PRAMEF2: variants seen among roughly 807,000 people sequenced by gnomAD.
PRAMEF2 encodes the protein PRAME family member 2.
PRAMEF2 carries 35 observed loss-of-function variants against 38.0 expected under a neutral mutation model. The observed-to-expected ratio is 0.92, with a 90% confidence interval of 0.70 to 1.22. The LOEUF (loss-of-function observed/expected upper bound fraction) is 1.22. PRAMEF2 is among the 50% of genes most tolerant of loss of function. PRAMEF2 has a pLI of 0.00. For missense variants in PRAMEF2, 562 were observed against 553.9 expected (o/e 1.01, Z -0.15); for synonymous variants, 240 against 232.4 (o/e 1.03, Z -0.30).
chr1:12,858,591 G>A lies in PRAMEF2; in HGVS notation c.-25-394G>A, dbSNP rs1439102615. 1.0e-4 allele frequency among the ~76,000 whole-genome samples: 15 copies of A among 149,986 alleles called. 1 individual carries two copies. Among genetic ancestry groups the A allele is most frequent in the African/African-American group, 3.7e-4 (15 of 40,840 alleles). On this transcript the variant is annotated intron_variant, in intron 1 of 3. Coordinates refer to ENST00000240189, the MANE Select transcript of PRAMEF2 (RefSeq NM_023014.1). Reference sequence around the variant, plus strand: ...TGTTCCCCCAGCATGTTCATGGTGTGAACTGAGAATGGAGGCTGTCTGGGC... The same window carrying A: ...TGTTCCCCCAGCATGTTCATGGTGTAAACTGAGAATGGAGGCTGTCTGGGC...
At chr1:12,857,874 T>A (rs967929011) in intron 1 of PRAMEF2, among the ~76,000 whole-genome samples, 5 of 147,686 alleles carry the variant, frequency 3.4e-5, no homozygotes, top group African/African-American at 1.3e-4. Flanking sequence ...AATTTTTGTA[T>A]TTTTAGTAGA....
rs140067079 is a variant in PRAMEF2 at position 12,859,167 on chromosome 1, C to T, written c.158C>T (p.Thr53Met). The stretch of plus-strand genomic sequence containing the variant: ...AGCAGGAGACACTTCCAGACTCTGA[C>T]GGTGATGGTGCAGGCCTGGCCTTTC... The part of the protein sequence containing the change: ...AFSRRHFQTL[T>M]VMVQAWPFTC... Residue 53 changes from threonine to methionine, a missense_variant, in exon 2 of 4, where the codon ACG becomes ATG. This residue lies in a region of PRAMEF2 where 486 missense variants were observed against 444.2 expected (regional missense o/e 1.09). Coordinates refer to ENST00000240189, the MANE Select transcript of PRAMEF2 (RefSeq NM_023014.1). 2,741 of 1,574,812 alleles carry T rather than the reference C, an allele frequency of 1.7e-3. 421 individuals are homozygous for T. Among genetic ancestry groups the T allele is most frequent in the East Asian group, 9.1e-3 (381 of 41,870 alleles).
rs1640551366 is a variant in PRAMEF2, at chr1:12,861,487, A to C, written c.1133A>C (p.Gln378Pro). The C allele has an allele frequency of 6.2e-7, 1 of 1,606,126 alleles. No homozygotes were observed. The highest frequency in any genetic ancestry group is 8.5e-7 in the Non-Finnish European group (1 of 1,177,492). ...AILPGLSCCS[Q>P]LTTFYFGSNC... ...CTGCCTGGCCTGAGCTGCTGCTCCC[A>C]GCTCACCACCTTCTACTTTGGCAGC... The change falls in exon 4 of 4, where the codon CAG (glutamine) becomes CCG (proline). Residue 378 changes from glutamine (Q) to proline (P), a missense_variant. Transcript: ENST00000240189.
rs767926163 is a variant in PRAMEF2, at chr1:12,861,300, T to C, written c.946T>C (p.Phe316Leu). ...LEEDLKCLSQ[F>L]PSLGYLKHLN... is the part of the protein sequence containing the mutation. ...AGAGGACTTGAAGTGTCTCTCCCAGTTCCCAAGCCTCGGTTACCTAAAGCA... is the reference window on the plus strand; with the variant it reads ...AGAGGACTTGAAGTGTCTCTCCCAGCTCCCAAGCCTCGGTTACCTAAAGCA... The change falls in exon 4 of 4, where the codon TTC becomes CTC. Residue 316 changes from phenylalanine to leucine, a missense_variant. Physicochemically the swap from Phe to Leu is conservative, Grantham distance 22. This residue lies in a region of PRAMEF2 where 486 missense variants were observed against 444.2 expected (regional missense o/e 1.09). Transcript: ENST00000240189. The C allele has an allele frequency of 1.2e-6, 2 of 1,607,296 alleles. No homozygotes were observed. Among genetic ancestry groups the C allele is most frequent in the Non-Finnish European group, 1.7e-6 (2 of 1,176,762 alleles).
chr1:12,861,680 G>A lies in PRAMEF2; in HGVS notation c.1326G>A (p.Arg442=), dbSNP rs768547855. The A allele has an allele frequency of 2.2e-5, 34 of 1,557,408 alleles. 7 individuals carry two copies. The highest frequency in any genetic ancestry group is 2.9e-5 in the Non-Finnish European group (33 of 1,140,950). ...PLRAELMCTL[R]EFRQPKRIFI... ...GGGCTGAGCTGATGTGTACACTGAG[G>A]GAATTCAGGCAGCCCAAGAGGATCT... is the stretch of plus-strand genomic sequence containing the variant. Residue 442 remains arginine, a synonymous_variant, in exon 4 of 4, where the codon AGG becomes AGA. Transcript: ENST00000240189.
chr1:12,857,224 A>T (rs574068743), intron 1 of PRAMEF2, 77 bp downstream of exon 1: 2 of 146,246 alleles, frequency 1.4e-5, no homozygotes, highest in African/African-American at 5.0e-5. Context: ...CACATCCCAA[A>T]GTGGCACACA....
rs1180341056 is a variant in PRAMEF2 at position 12,860,787 on chromosome 1, G to T, written c.867-434G>T. Among the ~76,000 whole-genome samples, 3 of 150,120 alleles carry T rather than the reference G, an allele frequency of 2.0e-5. 1 individual carries two copies. On this transcript the variant is annotated intron_variant, in intron 3 of 3. Coordinates refer to ENST00000240189, the MANE Select transcript of PRAMEF2 (RefSeq NM_023014.1). ...AAATGCGTGCTTCCGGGATGGAGGT[G>T]AGGGAGTAGGCGTGAGAGTGGTAAA...
chr1:12,857,452 T>C (rs1443505614), intron 1 of PRAMEF2, among the ~76,000 whole-genome samples: 3 of 146,974 alleles, frequency 2.0e-5, no homozygotes, highest in Non-Finnish European at 4.5e-5. Flanking sequence ...TGCCTTTCAA[T>C]TACAGTTCAT....
At position 12,861,205 on chromosome 1, in the gene PRAMEF2, T is replaced by C. The variant is rs750906946; in HGVS notation, c.867-16T>C. 2 of 1,603,966 alleles carry C rather than the reference T, an allele frequency of 1.2e-6. No homozygotes were observed. The highest frequency in any genetic ancestry group is 1.7e-6 in the Non-Finnish European group (2 of 1,173,880). On this transcript the variant is annotated splice_polypyrimidine_tract_variant and intron_variant, in intron 3 of 3. Transcript: ENST00000240189. Reference sequence around the variant, plus strand: ...ACTGGTACCATTGCCCAGAACTAACTTCTTGATCTCCACAGGTGCCTCCAG... The same window carrying C: ...ACTGGTACCATTGCCCAGAACTAACCTCTTGATCTCCACAGGTGCCTCCAG...
In PRAMEF2 at chr1:12,859,913, T is replaced by G. The variant is rs748858739; in HGVS notation, c.508T>G (p.Trp170Gly). 7.5e-6 allele frequency: 12 copies of G among 1,608,668 alleles called. No individual in the cohort carries two copies. The highest frequency in any genetic ancestry group is 8.5e-7 in the Non-Finnish European group (1 of 1,177,408). Reference protein sequence around the residue: ...QDECLRYLFQWVYQRRGLVHL... With the variant: ...QDECLRYLFQGVYQRRGLVHL... ...TGAATGCCTGAGATACCTCTTCCAG[T>G]GGGTTTACCAAAGGAGAGGTTTAGT... Residue 170 changes from tryptophan to glycine, a missense_variant, in exon 3 of 4, where the codon TGG becomes GGG. Around this residue, in one of 2 missense-constraint regions of PRAMEF2, gnomAD observed 486 missense variants for 444.2 expected, o/e 1.09. Coordinates refer to ENST00000240189, the MANE Select transcript of PRAMEF2 (RefSeq NM_023014.1).
chr1:12,861,579 C>T lies in PRAMEF2; in HGVS notation c.1225C>T (p.Leu409=). 1 of 1,604,832 alleles carries T rather than the reference C, an allele frequency of 6.2e-7. No individual in the cohort carries two copies. The highest frequency in any genetic ancestry group is 8.5e-7 in the Non-Finnish European group (1 of 1,176,700). Residue 409 remains leucine, a synonymous_variant, in exon 4 of 4, where the codon CTG becomes TTG. Transcript: ENST00000240189. ...RHTSGLSKLS[L]ETYPAPEESL... ...CACCAGTGGGCTGAGCAAGTTAAGC[C>T]TGGAGACGTATCCTGCCCCTGAGGA...
rs368856223 is a variant in PRAMEF2, at chr1:12,860,116, C to G, written c.711C>G (p.Leu237=). The change falls in exon 3 of 4, where the codon CTC becomes CTG. Residue 237 remains leucine, a synonymous_variant. Coordinates refer to ENST00000240189, the MANE Select transcript of PRAMEF2 (RefSeq NM_023014.1). ...AGGAGATGAAGACTCTTTGCAAACT[C>G]GTTTTCTCCAGGTGCCATCATTACA... The part of the protein sequence containing the change: ...YLKEMKTLCK[L]VFSRCHHYTS... 6.2e-7 allele frequency: 1 copy of G among 1,606,670 alleles called. No homozygotes were observed. The highest frequency in any genetic ancestry group is 8.5e-7 in the Non-Finnish European group (1 of 1,176,464).
At position 12,857,143 on chromosome 1, in the gene PRAMEF2, C is replaced by A. The variant is rs201787868; in HGVS notation, c.-30C>A. 2.0e-5 allele frequency: 3 copies of A among 146,586 alleles called. No homozygotes were observed. The highest frequency in any genetic ancestry group is 7.5e-5 in the African/African-American group (3 of 40,162). The allele number at this position is 146,586 out of a possible 1,614,324, so 9.1% of individuals were successfully genotyped here. ...CCAGAACTCTGCAAAGTGAGTCCAG[C>A]GCTGGTAAGTCACCACCTTCTTAGG... On this transcript the variant is annotated 5_prime_UTR_variant, in exon 1 of 4. Transcript: ENST00000240189.
chr1:12,859,700 A>G lies in PRAMEF2; in HGVS notation c.295A>G (p.Lys99Glu), dbSNP rs1302566234. ...LTQKDRPRRW[K>E]LQVLDLRDVD... ...CCCTTACTTTACCCACAGGAGGTGG[A>G]AACTTCAAGTGCTGGATTTGCGGGA... The change falls in exon 3 of 4, where the codon AAA becomes GAA. Residue 99 changes from lysine to glutamate, a missense_variant. This residue lies in a region of PRAMEF2 where 486 missense variants were observed against 444.2 expected (regional missense o/e 1.09). Transcript: ENST00000240189. The G allele has an allele frequency of 6.2e-7, 1 of 1,606,736 alleles. No individual in the cohort carries two copies. Among genetic ancestry groups the G allele is most frequent in the Non-Finnish European group, 8.5e-7 (1 of 1,177,344 alleles).
At chr1:12,860,500 C>T (rs577773031) in intron 3 of PRAMEF2, among the ~76,000 whole-genome samples, 2 of 148,138 alleles carry the variant, frequency 1.4e-5, no homozygotes, top group African/African-American at 5.0e-5. Flanking sequence ...TAGAGAGGGA[C>T]ATCATGTACA....
intron 3 of PRAMEF2, 21 bp from the exon 4 acceptor site, chr1:12,861,200 C>G (rs1259206726): frequency 6.2e-7 from 1 of 1,601,862 alleles, no homozygotes; most frequent in Non-Finnish European, 8.5e-7. Context: ...TTGCCCAGAA[C>G]TAACTTCTTG....
chr1:12,859,689 A>G lies in PRAMEF2; in HGVS notation c.288-4A>G. 1 of 1,606,430 alleles carries G rather than the reference A, an allele frequency of 6.2e-7. No homozygotes were observed. Among genetic ancestry groups the G allele is most frequent in the Non-Finnish European group, 8.5e-7 (1 of 1,177,092 alleles). ...TCTGAGCCTCTCCCTTACTTTACCCACAGGAGGTGGAAACTTCAAGTGCTG... is the reference window on the plus strand; with the variant it reads ...TCTGAGCCTCTCCCTTACTTTACCCGCAGGAGGTGGAAACTTCAAGTGCTG... On this transcript the variant is annotated splice_polypyrimidine_tract_variant and splice_region_variant and intron_variant, in intron 2 of 3. Transcript: ENST00000240189.
intron 1 of PRAMEF2, among the ~76,000 whole-genome samples, chr1:12,858,616 C>T (rs993033418): frequency 6.7e-6 from 1 of 149,866 alleles, no homozygotes; most frequent in Admixed American, 6.9e-5. Context: ...GCTGTCTGGG[C>T]CCACGGGACA....
chr1:12,859,036 A>C lies in PRAMEF2; in HGVS notation c.27A>C (p.Leu9=), dbSNP rs77229081. The C allele has an allele frequency of 0.051, 81,404 of 1,594,304 alleles. 1,524 individuals are homozygous for C. Among genetic ancestry groups the C allele is most frequent in the East Asian group, 0.22 (9,824 of 43,902 alleles). MSIQAPPR[L]LELAGQSLLR... is the part of the protein sequence containing the mutation. ...TGAGCATCCAGGCCCCACCGAGACT[A>C]CTGGAGCTGGCGGGGCAGAGCCTGC... The change falls in exon 2 of 4, where the codon CTA becomes CTC. Residue 9 remains leucine, a synonymous_variant. Transcript: ENST00000240189.
Sources: allele counts gnomAD v4.1 joint callset (sites outside exome capture counted in the v4.1 genomes callset), GRCh38; gene constraint gnomAD v4.1.1; regional missense constraint gnomAD v4.1.1; transcripts MANE v1.5; gene names NCBI Gene and HGNC (gene_info 2026-07-23, HGNC 2026-07-21).